Variants in ASS1 observed in about 807,000 individuals in gnomAD.
ASS1 encodes the protein argininosuccinate synthase.
Under a neutral mutation model 60.5 loss-of-function variants are expected in ASS1, and 58 were observed. The observed-to-expected ratio is 0.96, with a 90% CI of 0.78 to 1.19. ASS1 has a LOEUF of 1.19. Ranked by LOEUF, ASS1 falls within the 50% of genes most tolerant of loss-of-function variation. The probability of loss-of-function intolerance (pLI) is 0.00; values close to 1 mark genes in which losing one functional copy is unlikely to be tolerated. For synonymous variants in ASS1, 200 were observed against 206.9 expected, an observed-to-expected ratio of 0.97 and a Z score of 0.29; for missense variants, 454 against 547.3, an observed-to-expected ratio of 0.83 and a Z score of 1.70.
At chr9:130,461,087 G>A (rs1003408751) in intron 4 of ASS1, among the ~76,000 whole-genome samples, 1 of 152,090 alleles carries the variant, frequency 6.6e-6, no homozygotes, top group African/African-American at 2.4e-5. Flanking sequence ...TCCTATCCCA[G>A]AAGGCATACA....
intron 11 of ASS1, among the ~76,000 whole-genome samples, chr9:130,483,778 C>T (rs957808864): frequency 3.3e-5 from 5 of 151,452 alleles, no homozygotes; most frequent in Non-Finnish European, 7.4e-5. Flanking sequence ...CTCCCTCTCT[C>T]CCTTTCCTCC....
intron 10 of ASS1, 99 bp from the exon 11 acceptor site, chr9:130,480,286 T>A: frequency 1.6e-6 from 2 of 1,290,194 alleles, no homozygotes; most frequent in Non-Finnish European, 2.2e-6. Context: ...CTGCCTAATG[T>A]GTGGCCTAAG....
At position 130,489,592 on chromosome 9, in the gene ASS1, C is replaced by T; in HGVS notation, c.970+128C>T. On this transcript the variant is annotated intron_variant, in intron 12 of 14. Coordinates refer to ENST00000352480, the MANE Select transcript of ASS1 (RefSeq NM_054012.4). This position sits in a 1 kb window ranked among gnomAD's most constrained non-coding sequence, Gnocchi z 4.1. Reference sequence around the variant, plus strand: ...CTCCCCTGCCGCCCACTGCCATCCTCATGTGAGACCCCAAAAGGTGCAGGC... The same window carrying T: ...CTCCCCTGCCGCCCACTGCCATCCTTATGTGAGACCCCAAAAGGTGCAGGC... 6.8e-7 allele frequency: 1 copy of T among 1,474,298 alleles called. No homozygotes were observed. Among genetic ancestry groups the T allele is most frequent in the South Asian group, 1.1e-5 (1 of 87,654 alleles). The allele number at this position is 1,474,298 out of a possible 1,614,324, so 91.3% of individuals were successfully genotyped here. A position where few individuals can be genotyped will look rare whatever the true frequency, so the allele number is the denominator to read the frequency against.
intron 3 of ASS1, among the ~76,000 whole-genome samples, chr9:130,457,044 A>G (rs1452963177): frequency 6.6e-6 from 1 of 152,252 alleles, no homozygotes; most frequent in African/African-American, 2.4e-5. Flanking sequence ...CATAAGTAAC[A>G]TTACACTTAT....
At chr9:130,475,602 AG>A (rs1845992901) in intron 8 of ASS1, among the ~76,000 whole-genome samples, 1 of 152,214 alleles carries the variant, frequency 6.6e-6, no homozygotes, top group African/African-American at 2.4e-5. Flanking sequence ...CAGAACTCAC[AG>A]TTGTAGCTCC....
At chr9:130,493,600 C>T (rs1846505947) in intron 12 of ASS1, among the ~76,000 whole-genome samples, 1 of 152,212 alleles carries the variant, frequency 6.6e-6, no homozygotes, top group African/African-American at 2.4e-5. Flanking sequence ...CCTGGGCCTC[C>T]CACAATAGCC....
At chr9:130,446,632 C>T (rs756789821) in intron 1 of ASS1, among the ~76,000 whole-genome samples, 2 of 152,242 alleles carry the variant, frequency 1.3e-5, no homozygotes, top group Non-Finnish European at 2.9e-5. Flanking sequence ...TTCCTGAGTG[C>T]TTGGGAAGCA....
chr9:130,456,921 C>CAA lies in ASS1; in HGVS notation c.175-1474_175-1473dup, dbSNP rs112708513. Among the ~76,000 whole-genome samples the CAA allele has an allele frequency of 3.1e-4, 44 of 142,114 alleles. 1 individual carries two copies. The highest frequency in any genetic ancestry group is 1.1e-3 in the African/African-American group (43 of 39,174). 93.2% of individuals were successfully genotyped at this position (142,114 alleles called of 152,430 possible). On this transcript the variant is annotated intron_variant, in intron 3 of 14. Coordinates refer to ENST00000352480, the MANE Select transcript of ASS1 (RefSeq NM_054012.4). ...AGTCTGGATGACAGAGAGTCCATCT[C>CAA]AAAAAAATAAAAATTACTGAAGGCC... is the stretch of plus-strand genomic sequence containing the variant.
chr9:130,495,521 G>A (rs1024203667), intron 13 of ASS1, among the ~76,000 whole-genome samples: 10 of 145,454 alleles, frequency 6.9e-5, no homozygotes, highest in African/African-American at 1.8e-4. Context: ...AAAATAATTG[G>A]GGTTGTGAAG....
chr9:130,448,564 G>C (rs1286598481), intron 1 of ASS1, among the ~76,000 whole-genome samples: 1 of 152,066 alleles, frequency 6.6e-6, no homozygotes. Context: ...GGGCTCACTG[G>C]TTTCTTTTGG....
chr9:130,455,860 C>T (rs573566517), intron 3 of ASS1, among the ~76,000 whole-genome samples: 12 of 152,346 alleles, frequency 7.9e-5, no homozygotes, highest in South Asian at 4.1e-4. Flanking sequence ...AAAATGAACA[C>T]GGGAGGGAGT....
chr9:130,496,957 G>C (rs1395475202), intron 13 of ASS1, among the ~76,000 whole-genome samples: 1 of 152,260 alleles, frequency 6.6e-6, no homozygotes, highest in African/African-American at 2.4e-5. Flanking sequence ...AGTCTTGTTT[G>C]GCAGTCAATA....
At chr9:130,480,703 G>A (rs956510937) in intron 11 of ASS1, among the ~76,000 whole-genome samples, 3 of 152,260 alleles carry the variant, frequency 2.0e-5, no homozygotes, top group Admixed American at 6.5e-5. Flanking sequence ...GGCCTGGGGA[G>A]TCTCCGAGGA....
At chr9:130,464,002 C>A in intron 4 of ASS1, 109 bp from the exon 5 acceptor site, 1 of 1,185,606 alleles carries the variant, frequency 8.4e-7, no homozygotes, top group Non-Finnish European at 1.3e-6. Context: ...TGTGTACACG[C>A]TCTGCCCAGC....
rs914795114 is a variant in ASS1, at chr9:130,476,035, A to G, written c.598-836A>G. Among the ~76,000 whole-genome samples, 15 of 152,174 alleles carry G rather than the reference A, an allele frequency of 9.9e-5. No individual in the cohort carries two copies. Among genetic ancestry groups the G allele is most frequent in the African/African-American group, 3.6e-4 (15 of 41,432 alleles). ...CAGCCTCCCAAAGTGCTAGGATTAC[A>G]GGTGTGAGCCACTGTGCCCAGCCGT... On this transcript the variant is annotated intron_variant, in intron 8 of 14. Coordinates refer to ENST00000352480, the MANE Select transcript of ASS1 (RefSeq NM_054012.4). The surrounding 1 kb of genome is among the most constrained non-coding windows in gnomAD (Gnocchi z 4.9).
chr9:130,466,865 C>A, intron 6 of ASS1, 66 bp downstream of exon 6: 1 of 1,558,332 alleles, frequency 6.4e-7, no homozygotes, highest in Non-Finnish European at 8.8e-7. Flanking sequence ...CACGTCCCTG[C>A]TGGGGGCTGT....
rs1564154342 is a variant in ASS1 at position 130,476,774 on chromosome 9, G to A, written c.598-97G>A. 1 of 1,178,316 alleles carries A rather than the reference G, an allele frequency of 8.5e-7. No individual in the cohort carries two copies. The highest frequency in any genetic ancestry group is 1.7e-5 in the Admixed American group (1 of 59,410). The allele number at this position is 1,178,316 out of a possible 1,614,324, so 73.0% of individuals were successfully genotyped here. A position where few individuals can be genotyped will look rare whatever the true frequency, so the allele number is the denominator to read the frequency against. ...GGACCCCACCAGCTGGTGGGGAAAT[G>A]GACAGAGGAGAGGGGTGCAGATCCC... On this transcript the variant is annotated intron_variant, in intron 8 of 14. Coordinates refer to ENST00000352480, the MANE Select transcript of ASS1 (RefSeq NM_054012.4). The surrounding 1 kb of genome is among the most constrained non-coding windows in gnomAD (Gnocchi z 4.9).
intron 2 of ASS1, among the ~76,000 whole-genome samples, chr9:130,453,209 A>G (rs1338555359): frequency 6.6e-6 from 1 of 152,234 alleles, no homozygotes; most frequent in East Asian, 1.9e-4. Flanking sequence ...ATTAGTCCCT[A>G]TGGCTGCATC....
At chr9:130,462,337 G>T (rs549749367) in intron 4 of ASS1, among the ~76,000 whole-genome samples, 1 of 152,164 alleles carries the variant, frequency 6.6e-6, no homozygotes, top group Non-Finnish European at 1.5e-5. Context: ...ATCAGCATGC[G>T]GACACTCGTG....
Sources: allele counts gnomAD v4.1 joint callset (sites outside exome capture counted in the v4.1 genomes callset), GRCh38; gene constraint gnomAD v4.1.1; non-coding constraint Gnocchi (gnomAD v3.1); transcripts MANE v1.5; gene names NCBI Gene and HGNC (gene_info 2026-07-23, HGNC 2026-07-21).